The following CNGB3 variants were observed in gnomAD, a reference collection of about 807,000 sequenced individuals.
CNGB3 encodes the protein cyclic nucleotide-gated channel beta-3.
In CNGB3, 86 loss-of-function variants were observed where a neutral mutation model predicts 92.8. The observed-to-expected ratio is 0.93, with a 90% CI of 0.78 to 1.11. The LOEUF is 1.11. Ranked by LOEUF, CNGB3 falls within the 50% of genes least tolerant of loss-of-function variation. CNGB3 has a pLI of 0.00. For synonymous variants in CNGB3, 333 were observed against 332.7 expected (o/e 1.00, Z -0.01); for missense variants, 1,026 against 956.8 (o/e 1.07, Z -0.95).
chr8:86,709,640 T>G (rs193106396), intron 3 of CNGB3, among the ~76,000 whole-genome samples: 25 of 152,154 alleles, frequency 1.6e-4, no homozygotes, highest in Non-Finnish European at 3.1e-4. Flanking sequence ...GTTCTCAGTT[T>G]TATGTTTTAC....
intron 15 of CNGB3, among the ~76,000 whole-genome samples, chr8:86,596,906 C>G (rs1200234830): frequency 6.6e-6 from 1 of 152,106 alleles, no homozygotes; most frequent in Non-Finnish European, 1.5e-5. Flanking sequence ...AACCATCATT[C>G]TCAGCAAACT....
intron 6 of CNGB3, among the ~76,000 whole-genome samples, chr8:86,656,906 C>T (rs969430803): frequency 3.9e-5 from 6 of 152,148 alleles, no homozygotes; most frequent in Non-Finnish European, 5.9e-5. Flanking sequence ...CAGCTTCAAC[C>T]TCCTCTATGT....
At chr8:86,645,763 G>C (rs1020282958) in intron 8 of CNGB3, among the ~76,000 whole-genome samples, 1 of 151,244 alleles carries the variant, frequency 6.6e-6, no homozygotes, top group Non-Finnish European at 1.5e-5. Context: ...TAAATGTGTG[G>C]TAATTTGTTT....
At chr8:86,718,480 ACT>A (rs1361038517) in intron 3 of CNGB3, among the ~76,000 whole-genome samples, 2 of 152,092 alleles carry the variant, frequency 1.3e-5, no homozygotes, top group African/African-American at 4.8e-5. Context: ...AGAAATAGAA[ACT>A]CTGAACAGAC....
chr8:86,647,879 G>A lies in CNGB3; in HGVS notation c.912C>T (p.Val304=), dbSNP rs117806701. 3.2e-4 allele frequency: 500 copies of A among 1,584,586 alleles called. 2 individuals are homozygous for A. The East Asian group carries it at 9.7e-3, about 31-fold the overall frequency. ...AAATATCAAATGGTATTATTGATGC[G>A]ACATCCAACTGTTGAAAGAACACAT... ...YRTSTKFQLD[V]ASIIPFDICY... Residue 304 remains valine (V), a synonymous_variant, in exon 8 of 18, where the codon GTC becomes GTT. Transcript: ENST00000320005.
chr8:86,669,297 T>C (rs917341142), intron 4 of CNGB3, among the ~76,000 whole-genome samples: 42 of 152,346 alleles, frequency 2.8e-4, no homozygotes, highest in Admixed American at 7.2e-4. Flanking sequence ...CAAATCATGT[T>C]GTATATCTTA....
intron 15 of CNGB3, among the ~76,000 whole-genome samples, chr8:86,584,307 G>C (rs1821850110): frequency 6.6e-6 from 1 of 152,216 alleles, no homozygotes; most frequent in South Asian, 2.1e-4. Flanking sequence ...ATGGACACAG[G>C]GTAATCCTGT....
chr8:86,617,226 A>G (rs1822638640), intron 13 of CNGB3, among the ~76,000 whole-genome samples: 1 of 152,172 alleles, frequency 6.6e-6, no homozygotes, highest in Non-Finnish European at 1.5e-5. Context: ...AGTTGGTAAA[A>G]TGTTTCCTTG....
intron 3 of CNGB3, among the ~76,000 whole-genome samples, chr8:86,671,348 G>A (rs1409849279): frequency 6.6e-6 from 1 of 152,178 alleles, no homozygotes; most frequent in African/African-American, 2.4e-5. Flanking sequence ...TGATGACAGT[G>A]ATTCTGTTAT....
chr8:86,676,446 C>A (rs1478300681), intron 3 of CNGB3, among the ~76,000 whole-genome samples: 2 of 152,016 alleles, frequency 1.3e-5, no homozygotes, highest in Non-Finnish European at 2.9e-5. Flanking sequence ...TCCCAAGTGA[C>A]CTAAAATTTG....
At chr8:86,578,204 C>A (rs7839283) in intron 17 of CNGB3, among the ~76,000 whole-genome samples, 1 of 152,032 alleles carries the variant, frequency 6.6e-6, no homozygotes, top group African/African-American at 2.4e-5. Context: ...CCACCGCACC[C>A]GGCCAAGGGT....
chr8:86,694,798 C>T (rs938403647), intron 3 of CNGB3, among the ~76,000 whole-genome samples: 3 of 151,546 alleles, frequency 2.0e-5, no homozygotes, highest in Admixed American at 6.6e-5. Flanking sequence ...TGGGCAGAGA[C>T]GCTCCTCACT....
At chr8:86,725,962 C>T (rs1825054829) in intron 3 of CNGB3, among the ~76,000 whole-genome samples, 1 of 152,052 alleles carries the variant, frequency 6.6e-6, no homozygotes, top group Admixed American at 6.5e-5. Flanking sequence ...TGCAGATTTA[C>T]TGGTTCACAT....
rs1445668366 is a variant in CNGB3 at position 86,666,938 on chromosome 8, C to T, written c.839G>A (p.Gly280Glu). Residue 280 changes from glycine to glutamate, a missense_variant, in exon 6 of 18, where the codon GGA (glycine) becomes GAA (glutamate). Physicochemically the swap from Gly to Glu is moderately conservative, Grantham distance 98. Transcript: ENST00000320005. ...FIQPRLQFVR[G>E]GDIIVDSNEL... is the part of the protein sequence containing the mutation. Reference sequence around the variant, plus strand: ...AACCCCACTTACTATTATGTCTCCTCCTCTTACAAACTGGAGTCTGGGCTG... The same window carrying T: ...AACCCCACTTACTATTATGTCTCCTTCTCTTACAAACTGGAGTCTGGGCTG... 1.9e-6 allele frequency: 3 copies of T among 1,612,450 alleles called. No homozygotes were observed. The highest frequency in any genetic ancestry group is 2.5e-6 in the Non-Finnish European group (3 of 1,179,790).
At chr8:86,659,965 A>G in intron 6 of CNGB3, 1 of 336,944 alleles carries the variant, frequency 3.0e-6, no homozygotes, top group Non-Finnish European at 6.0e-6. Flanking sequence ...TCAATGAGAA[A>G]GTCTTGGTTT....
intron 13 of CNGB3, among the ~76,000 whole-genome samples, chr8:86,625,412 G>A (rs1293587560): frequency 6.6e-6 from 1 of 152,040 alleles, no homozygotes; most frequent in Non-Finnish European, 1.5e-5. Flanking sequence ...GAAATATTAG[G>A]TGAGAAAAAT....
At position 86,635,855 on chromosome 8, in the gene CNGB3, TATATATATACAC is replaced by T. The variant is rs1488932894; in HGVS notation, c.1179-2974_1179-2963del. Among the ~76,000 whole-genome samples the T allele has an allele frequency of 2.3e-3, 177 of 78,374 alleles. 4 individuals are homozygous for T. Among genetic ancestry groups the T allele is most frequent in the South Asian group, 0.022 (57 of 2,642 alleles). The allele number at this position is 78,374 out of a possible 152,430, so 51.4% of individuals were successfully genotyped here. A position where few individuals can be genotyped will look rare whatever the true frequency, so the allele number is the denominator to read the frequency against. ...ATATATATATATATATATATATATA[TATATATATACAC>T]ATACACATATACTTAGGCATACTTA... On this transcript the variant is annotated intron_variant, in intron 10 of 17. Coordinates refer to ENST00000320005, the MANE Select transcript of CNGB3 (RefSeq NM_019098.5).
At chr8:86,608,212 C>T (rs778590980) in intron 14 of CNGB3, among the ~76,000 whole-genome samples, 22 of 152,204 alleles carry the variant, frequency 1.4e-4, no homozygotes, top group Admixed American at 8.5e-4. Flanking sequence ...TAATAATCCT[C>T]GCTCTATAAT....
chr8:86,740,778 T>C (rs932683350), intron 1 of CNGB3, among the ~76,000 whole-genome samples: 8 of 152,164 alleles, frequency 5.3e-5, no homozygotes, highest in African/African-American at 1.9e-4. Flanking sequence ...AAGGCAGCTA[T>C]TATTATTAAT....
Sources: gnomAD v4.1 joint callset for allele counts (sites outside exome capture counted in the v4.1 genomes callset) on GRCh38, gnomAD v4.1.1 for gene constraint, MANE v1.5 for transcripts, NCBI Gene and HGNC (gene_info 2026-07-23, HGNC 2026-07-21) for gene names.